Variants in TFCP2 observed in about 807,000 individuals in gnomAD.
TFCP2 encodes the protein transcription factor CP2, also known as alpha-globin transcription factor CP2.
A neutral mutation model predicts 73.4 loss-of-function variants in TFCP2; 33 were observed. That is an observed-to-expected ratio of 0.45 (90% CI 0.34 to 0.60). TFCP2 has a LOEUF of 0.60. TFCP2 is among the 20% of genes least tolerant of loss of function. TFCP2 has a pLI of 0.01. For synonymous variants in TFCP2, 193 were observed against 211.6 expected (o/e 0.91, Z 0.76); for missense variants, 352 against 604.0 (o/e 0.58, Z 4.37).
In TFCP2 at chr12:51,099,645, A is replaced by G; in HGVS notation, c.1276+10T>C. 5 of 1,614,154 alleles carry G rather than the reference A, an allele frequency of 3.1e-6. No individual in the cohort carries two copies. Among genetic ancestry groups the G allele is most frequent in the Non-Finnish European group, 4.2e-6 (5 of 1,180,022 alleles). ...TTCATATCTGTCCTAGTGTGTCCAG[A>G]ACAACCTACCGAAGAAAGTACCATT... On this transcript the variant is annotated intron_variant, in intron 12 of 14. Coordinates refer to ENST00000257915, the MANE Select transcript of TFCP2 (RefSeq NM_005653.5).
chr12:51,172,536 G>T lies in TFCP2; in HGVS notation c.-114C>A. On this transcript the variant is annotated 5_prime_UTR_variant, in exon 1 of 15. Coordinates refer to ENST00000257915, the MANE Select transcript of TFCP2 (RefSeq NM_005653.5). ...AAAACTACAAACCAAGGTTTCCCAC[G>T]CAGTGCCCACCAGCCACCCCCAAGC... 1 of 1,447,594 alleles carries T rather than the reference G, an allele frequency of 6.9e-7. No homozygotes were observed. Among genetic ancestry groups the T allele is most frequent in the Non-Finnish European group, 9.4e-7 (1 of 1,064,502 alleles). The allele number at this position is 1,447,594 out of a possible 1,614,324, so 89.7% of individuals were successfully genotyped here. A position where few individuals can be genotyped will look rare whatever the true frequency, so the allele number is the denominator to read the frequency against.
chr12:51,153,262 G>C (rs1275606544), intron 1 of TFCP2, among the ~76,000 whole-genome samples: 1 of 152,104 alleles, frequency 6.6e-6, no homozygotes, highest in African/African-American at 2.4e-5. Flanking sequence ...TGTAGTCCCA[G>C]CTACTCAGGA....
intron 1 of TFCP2, among the ~76,000 whole-genome samples, chr12:51,165,724 G>A (rs1277952996): frequency 6.6e-6 from 1 of 152,032 alleles, no homozygotes; most frequent in Non-Finnish European, 1.5e-5. Flanking sequence ...ACACTGATCT[G>A]GACATTTTTA....
At chr12:51,124,539 G>T in intron 1 of TFCP2, 1 of 432,364 alleles carries the variant, frequency 2.3e-6, no homozygotes, top group Non-Finnish European at 4.5e-6. Flanking sequence ...GAATCATTGG[G>T]GCTGTGGCCC....
intron 14 of TFCP2, 130 bp downstream of exon 14, chr12:51,095,859 C>T (rs1939953514): frequency 6.4e-6 from 2 of 314,932 alleles, no homozygotes; most frequent in South Asian, 9.4e-5. Flanking sequence ...AAGGAACAAT[C>T]TCTAATATTG....
In TFCP2 at chr12:51,095,198, A is replaced by G. The variant is rs1415011905; in HGVS notation, c.*43T>C. 6.2e-7 allele frequency: 1 copy of G among 1,607,734 alleles called. No homozygotes were observed. The highest frequency in any genetic ancestry group is 1.7e-5 in the Admixed American group (1 of 60,010). ...CCCCCTTCAAGAGGGCCGTTTTCAG[A>G]GGTGAAGGAAGGAGCAGCCACTGGG... On this transcript the variant is annotated 3_prime_UTR_variant, in exon 15 of 15. Transcript: ENST00000257915.
intron 13 of TFCP2, among the ~76,000 whole-genome samples, chr12:51,096,745 T>G (rs749288715): frequency 6.6e-6 from 1 of 152,126 alleles, no homozygotes; most frequent in Admixed American, 6.6e-5. Context: ...ATTACAAAAT[T>G]CCATCCATTC....
chr12:51,167,924 G>A (rs906475465), intron 1 of TFCP2, among the ~76,000 whole-genome samples: 1 of 152,014 alleles, frequency 6.6e-6, no homozygotes, highest in African/African-American at 2.4e-5. Flanking sequence ...GGCCAGGTGT[G>A]GTGGTGTGAC....
intron 1 of TFCP2, among the ~76,000 whole-genome samples, chr12:51,171,071 G>A (rs954464617): frequency 6.6e-6 from 1 of 152,090 alleles, no homozygotes; most frequent in African/African-American, 2.4e-5. Flanking sequence ...ACTCTTAAAA[G>A]ATCTCATTAT....
intron 1 of TFCP2, among the ~76,000 whole-genome samples, chr12:51,169,749 T>A (rs1408369484): frequency 3.3e-5 from 5 of 152,066 alleles, no homozygotes; most frequent in African/African-American, 4.8e-5. Flanking sequence ...AGAAAGTACT[T>A]AAAATGTTGG....
At chr12:51,117,840 G>A in intron 2 of TFCP2, 93 bp from the exon 3 acceptor site, 2 of 738,648 alleles carry the variant, frequency 2.7e-6, no homozygotes, top group Non-Finnish European at 4.5e-6. Context: ...ATATACAACA[G>A]TATAATAATA....
At chr12:51,154,084 T>A (rs1001002391) in intron 1 of TFCP2, among the ~76,000 whole-genome samples, 23 of 152,228 alleles carry the variant, frequency 1.5e-4, no homozygotes, top group African/African-American at 5.5e-4. Flanking sequence ...CTGAATAATA[T>A]TCCATTGTAT....
intron 1 of TFCP2, among the ~76,000 whole-genome samples, chr12:51,149,472 A>G (rs937972826): frequency 2.0e-5 from 3 of 152,240 alleles, no homozygotes; most frequent in Non-Finnish European, 4.4e-5. Flanking sequence ...GTTGTTTTCC[A>G]TAATAAGAGG....
intron 1 of TFCP2, among the ~76,000 whole-genome samples, chr12:51,159,363 A>G (rs925748694): frequency 1.3e-5 from 2 of 151,232 alleles, no homozygotes; most frequent in African/African-American, 4.9e-5. Flanking sequence ...TTTGAGACCG[A>G]GTCTCGCTCT....
intron 1 of TFCP2, among the ~76,000 whole-genome samples, chr12:51,163,614 T>C (rs1565580799): frequency 1.3e-5 from 2 of 151,056 alleles, no homozygotes. Flanking sequence ...TAAATAATAA[T>C]AACAATAATA....
At chr12:51,109,898 T>C (rs536650174) in intron 5 of TFCP2, among the ~76,000 whole-genome samples, 17 of 152,154 alleles carry the variant, frequency 1.1e-4, no homozygotes, top group African/African-American at 4.1e-4. Flanking sequence ...TTTGCATTTT[T>C]AGTAGAGACA....
At chr12:51,102,829 C>T (rs1312373046) in intron 10 of TFCP2, among the ~76,000 whole-genome samples, 1 of 152,094 alleles carries the variant, frequency 6.6e-6, no homozygotes, top group African/African-American at 2.4e-5. Context: ...GAACACTTAT[C>T]TACAAAATCA....
chr12:51,104,923 A>G (rs931921140), intron 8 of TFCP2, among the ~76,000 whole-genome samples: 74 of 152,002 alleles, frequency 4.9e-4, no homozygotes, highest in African/African-American at 1.7e-3. Context: ...TGTGTTAGCC[A>G]GGATGGTCTC....
intron 11 of TFCP2, among the ~76,000 whole-genome samples, chr12:51,100,492 C>T (rs998142462): frequency 7.2e-5 from 11 of 152,182 alleles, no homozygotes; most frequent in Admixed American, 1.3e-4. Context: ...TTAAAATTTT[C>T]CAAGATTCAA....
Sources: allele counts gnomAD v4.1 joint callset (sites outside exome capture counted in the v4.1 genomes callset), GRCh38; gene constraint gnomAD v4.1.1; transcripts MANE v1.5; gene names NCBI Gene and HGNC (gene_info 2026-07-23, HGNC 2026-07-21).